Variants in ARHGAP42 observed in about 807,000 individuals in gnomAD.
ARHGAP42 encodes the protein Rho GTPase activating protein 42.
Under a neutral mutation model 125.0 loss-of-function variants are expected in ARHGAP42, and 63 were observed. The observed-to-expected ratio is 0.50, with a 90% CI of 0.41 to 0.62. The LOEUF is 0.62. Ranked by LOEUF, ARHGAP42 falls within the 20% of genes least tolerant of loss-of-function variation. The pLI is 0.00. For missense variants in ARHGAP42, 766 were observed against 1,024.2 expected (o/e 0.75, Z 3.44); for synonymous variants, 339 against 351.0 (o/e 0.97, Z 0.38).
At chr11:100,974,964 T>C (rs1301758645) in intron 19 of ARHGAP42, among the ~76,000 whole-genome samples, 2 of 152,168 alleles carry the variant, frequency 1.3e-5, no homozygotes, top group Non-Finnish European at 2.9e-5. Flanking sequence ...TTTCACATTA[T>C]GTTCTTAAAG....
At chr11:100,936,138 A>T in intron 7 of ARHGAP42, 65 bp from the exon 8 acceptor site, 1 of 1,525,540 alleles carries the variant, frequency 6.6e-7, no homozygotes, top group Non-Finnish European at 8.9e-7. Context: ...ACAAAATATT[A>T]GTCTGGATGT....
At chr11:100,835,762 GTA>G (rs200710095) in intron 3 of ARHGAP42, among the ~76,000 whole-genome samples, 1 of 149,404 alleles carries the variant, frequency 6.7e-6, no homozygotes, top group Admixed American at 6.7e-5. Flanking sequence ...TGGTATATAT[GTA>G]TATATATATT....
chr11:100,988,122 G>A (rs1858733201), intron 23 of ARHGAP42, among the ~76,000 whole-genome samples: 1 of 152,100 alleles, frequency 6.6e-6, no homozygotes, highest in Non-Finnish European at 1.5e-5. Flanking sequence ...GCAAGACTCT[G>A]TCTATAAATA....
chr11:100,941,719 T>C, intron 8 of ARHGAP42, 65 bp from the exon 9 acceptor site: 1 of 944,082 alleles, frequency 1.1e-6, no homozygotes, highest in Non-Finnish European at 1.6e-6. Flanking sequence ...CACTGGAGAA[T>C]GTGCAAACTT....
chr11:100,986,059 C>T (rs1337358645), intron 22 of ARHGAP42: 1 of 456,632 alleles, frequency 2.2e-6, no homozygotes, highest in Non-Finnish European at 4.4e-6. Flanking sequence ...TCCTTTTTCT[C>T]ACTCATTCAT....
chr11:100,873,027 C>G (rs1352549626), intron 4 of ARHGAP42, among the ~76,000 whole-genome samples: 2 of 152,200 alleles, frequency 1.3e-5, no homozygotes, highest in Non-Finnish European at 1.5e-5. Context: ...ACAACTCACT[C>G]TGGCTAACCA....
At chr11:100,759,195 G>A (rs1177600769) in intron 1 of ARHGAP42, among the ~76,000 whole-genome samples, 1 of 152,128 alleles carries the variant, frequency 6.6e-6, no homozygotes, top group Non-Finnish European at 1.5e-5. Context: ...CTTGCTAACA[G>A]ATCTTAAATG....
intron 17 of ARHGAP42, among the ~76,000 whole-genome samples, chr11:100,967,728 T>A (rs1433983357): frequency 6.6e-6 from 1 of 152,160 alleles, no homozygotes; most frequent in Non-Finnish European, 1.5e-5. Flanking sequence ...CCTTTTCTTT[T>A]TTTTGAGACA....
chr11:100,805,847 G>A (rs1863975414), intron 3 of ARHGAP42, among the ~76,000 whole-genome samples: 1 of 152,122 alleles, frequency 6.6e-6, no homozygotes, highest in African/African-American at 2.4e-5. Flanking sequence ...TGAACAATGA[G>A]GATGACCAGA....
chr11:100,833,980 T>C lies in ARHGAP42; in HGVS notation c.313-25574T>C, dbSNP rs556982890. On this transcript the variant is annotated intron_variant, in intron 3 of 23. Coordinates refer to ENST00000298815, the MANE Select transcript of ARHGAP42 (RefSeq NM_152432.4). ...TGCATATGACTGTTTCAAGGGATCA[T>C]ACTAAAATCTTAGGTTTGGAAAATA... 4.3e-4 allele frequency among the ~76,000 whole-genome samples: 65 copies of C among 152,322 alleles called. No individual in the cohort carries two copies. In the South Asian group the frequency reaches 0.013, roughly 31 times the overall value.
rs397760462 is a variant in ARHGAP42, at chr11:100,849,580, A to ATT, written c.313-9965_313-9964dup. Reference sequence around the variant, plus strand: ...GCTCTAAAGTTTTCTCTTTCAGTTAATTTTTTTTTTGGTTTTATTTTTAAC... The same window carrying ATT: ...GCTCTAAAGTTTTCTCTTTCAGTTAATTTTTTTTTTTTGGTTTTATTTTTAAC... On this transcript the variant is annotated intron_variant, in intron 3 of 23. Coordinates refer to ENST00000298815, the MANE Select transcript of ARHGAP42 (RefSeq NM_152432.4). Among the ~76,000 whole-genome samples the ATT allele has an allele frequency of 1.2e-4, 18 of 150,080 alleles. No homozygotes were observed. In the South Asian group the frequency reaches 1.3e-3, roughly 11 times the overall value.
At chr11:100,893,723 T>C (rs973063598) in intron 4 of ARHGAP42, among the ~76,000 whole-genome samples, 1 of 152,106 alleles carries the variant, frequency 6.6e-6, no homozygotes, top group African/African-American at 2.4e-5. Context: ...ATAATTAATT[T>C]TGAATTTTTG....
At chr11:100,892,827 G>A (rs901464169) in intron 4 of ARHGAP42, among the ~76,000 whole-genome samples, 2 of 152,202 alleles carry the variant, frequency 1.3e-5, no homozygotes, top group South Asian at 4.1e-4. Flanking sequence ...TTCATTAATT[G>A]TTATTACCTC....
chr11:100,863,053 ACAC>A (rs367890122), intron 4 of ARHGAP42, among the ~76,000 whole-genome samples: 6 of 64,962 alleles, frequency 9.2e-5, no homozygotes, highest in East Asian at 1.7e-3. Context: ...AAAAAAAAAA[ACAC>A]AAAACACACA....
At chr11:100,766,652 A>C (rs1232466632) in intron 1 of ARHGAP42, among the ~76,000 whole-genome samples, 1 of 152,214 alleles carries the variant, frequency 6.6e-6, no homozygotes, top group Non-Finnish European at 1.5e-5. Flanking sequence ...TGGAGCCAAG[A>C]TTAAAAGCAT....
In ARHGAP42 at chr11:100,992,538, G is replaced by C; in HGVS notation, c.*3737G>C. 1 of 1,614,030 alleles carries C rather than the reference G, an allele frequency of 6.2e-7. No individual in the cohort carries two copies. Among genetic ancestry groups the C allele is most frequent in the African/African-American group, 1.3e-5 (1 of 75,024 alleles). On this transcript the variant is annotated 3_prime_UTR_variant, in exon 24 of 24. Transcript: ENST00000298815. ...TTTCTGAACATTCTGTGTCCTGCCT[G>C]TCTCCTGTTGATTCGCAGATGTAAT... is the stretch of plus-strand genomic sequence containing the variant.
intron 3 of ARHGAP42, 158 bp from the exon 4 acceptor site, chr11:100,859,396 A>T: frequency 2.0e-6 from 1 of 502,384 alleles, no homozygotes; most frequent in South Asian, 3.7e-5. Context: ...CAGCTTAATT[A>T]TATAGTAGAA....
rs569183168 is a variant in ARHGAP42, at chr11:100,696,650, C to T, written c.154+8818C>T. ...GATTACAGGCGTGAACCACTGTGCCCGGCCCCCTAATTTTTTATTTTATTT... is the reference window on the plus strand; with the variant it reads ...GATTACAGGCGTGAACCACTGTGCCTGGCCCCCTAATTTTTTATTTTATTT... On this transcript the variant is annotated intron_variant, in intron 1 of 23. Transcript: ENST00000298815. Among the ~76,000 whole-genome samples the T allele has an allele frequency of 5.5e-4, 84 of 151,626 alleles. 1 individual carries two copies. Among genetic ancestry groups the T allele is most frequent in the Admixed American group, 9.9e-4 (15 of 15,200 alleles).
chr11:100,943,959 G>A (rs1015091481), intron 10 of ARHGAP42, 91 bp downstream of exon 10: 2 of 818,048 alleles, frequency 2.4e-6, no homozygotes, highest in African/African-American at 3.5e-5. Flanking sequence ...GCATTCAAGT[G>A]TTTTTTAGTC....
Sources: allele counts gnomAD v4.1 joint callset (sites outside exome capture counted in the v4.1 genomes callset), GRCh38; gene constraint gnomAD v4.1.1; transcripts MANE v1.5; gene names NCBI Gene and HGNC (gene_info 2026-07-23, HGNC 2026-07-21).